The following TMEM127 variants were observed in gnomAD, a reference collection of about 807,000 sequenced individuals.
TMEM127 encodes the protein transmembrane protein 127.
TMEM127 carries 21 observed loss-of-function variants against 20.1 expected under a neutral mutation model. That is an observed-to-expected ratio of 1.04 (90% CI 0.74 to 1.50). The LOEUF (loss-of-function observed/expected upper bound fraction) is 1.50. Among genes scored for constraint, TMEM127 ranks in the 40% most tolerant of loss-of-function variants. The probability of loss-of-function intolerance (pLI) is 0.00; values close to 1 mark genes in which losing one functional copy is unlikely to be tolerated. For synonymous variants in TMEM127, 150 were observed against 144.7 expected (o/e 1.04, Z -0.26); for missense variants, 303 against 317.4 (o/e 0.95, Z 0.34).
chr2:96,255,094 G>C, intron 2 of TMEM127, 97 bp from the exon 3 acceptor site: 1 of 1,529,726 alleles, frequency 6.5e-7, no homozygotes, highest in Non-Finnish European at 8.9e-7. Flanking sequence ...CCACAGTCCT[G>C]GGAGCCAGGG....
chr2:96,262,237 TGACAGAGCAA>T (rs958590332), intron 2 of TMEM127, among the ~76,000 whole-genome samples: 1 of 147,598 alleles, frequency 6.8e-6, no homozygotes, highest in African/African-American at 2.5e-5. Flanking sequence ...CCAGCCTGGG[TGACAGAGCAA>T]GAGTCTGTCT....
rs530301020 is a variant in TMEM127, at chr2:96,253,805, G to C, written c.*3C>G. The C allele has an allele frequency of 6.2e-7, 1 of 1,608,324 alleles. No homozygotes were observed. Among genetic ancestry groups the C allele is most frequent in the South Asian group, 1.1e-5 (1 of 90,836 alleles). The stretch of plus-strand genomic sequence containing the variant: ...TGCCGAGGAAGAGAGCCCAGGGCTG[G>C]CATTAGGGTGTGTAAGCAGGGGGTG... On this transcript the variant is annotated 3_prime_UTR_variant, in exon 4 of 4. Transcript: ENST00000258439. This position sits in a 1 kb window ranked among gnomAD's most constrained non-coding sequence, Gnocchi z 4.3.
intron 2 of TMEM127, among the ~76,000 whole-genome samples, chr2:96,262,633 T>G (rs1375714480): frequency 1.3e-5 from 2 of 152,248 alleles, no homozygotes; most frequent in Non-Finnish European, 2.9e-5. Context: ...GCAAATGTAA[T>G]GTAAAGGTTA....
chr2:96,253,672 C>T lies in TMEM127; in HGVS notation c.*136G>A. The T allele has an allele frequency of 3.1e-6, 3 of 964,662 alleles. No individual in the cohort carries two copies. Among genetic ancestry groups the T allele is most frequent in the Non-Finnish European group, 4.5e-6 (3 of 660,966 alleles). 59.8% of individuals were successfully genotyped at this position (964,662 alleles called of 1,614,324 possible). A position where few individuals can be genotyped will look rare whatever the true frequency, so the allele number is the denominator to read the frequency against. ...ACTTGGATGACCCTAAAGGCAGAGT[C>T]TCTCCTGGGGAAGGTTTGGAGAAGA... On this transcript the variant is annotated 3_prime_UTR_variant, in exon 4 of 4. Coordinates refer to ENST00000258439, the MANE Select transcript of TMEM127 (RefSeq NM_017849.4). This position sits in a 1 kb window ranked among gnomAD's most constrained non-coding sequence, Gnocchi z 4.3.
chr2:96,265,590 G>A, intron 1 of TMEM127, 78 bp from the exon 2 acceptor site: 1 of 545,084 alleles, frequency 1.8e-6, no homozygotes, highest in Non-Finnish European at 2.7e-6. Context: ...GGAATTCGGG[G>A]GGCGGAGACA....
intron 1 of TMEM127, 102 bp from the exon 2 acceptor site, chr2:96,265,614 T>G: frequency 2.3e-6 from 1 of 427,476 alleles, no homozygotes; most frequent in Non-Finnish European, 3.8e-6. Context: ...GACTCCGGAA[T>G]GGGACTGCGG....
chr2:96,256,441 C>G (rs1416048962), intron 2 of TMEM127, among the ~76,000 whole-genome samples: 1 of 149,704 alleles, frequency 6.7e-6, no homozygotes, highest in Non-Finnish European at 1.5e-5. Flanking sequence ...CGTGGTGGTG[C>G]ATGCCTGTGA....
rs1207304873 is a variant in TMEM127 at position 96,249,786 on chromosome 2, A to G, written c.*4022T>C. On this transcript the variant is annotated 3_prime_UTR_variant, in exon 4 of 4. Coordinates refer to ENST00000258439, the MANE Select transcript of TMEM127 (RefSeq NM_017849.4). ...ATTAGTGTAGTGGCTGAGAGCGTGG[A>G]TATTTCAGGCAAGATGCCAGCTGAA... The G allele has an allele frequency of 8.6e-6, 2 of 233,124 alleles. No homozygotes were observed. The highest frequency in any genetic ancestry group is 8.5e-6 in the Non-Finnish European group (1 of 118,044). The allele number at this position is 233,124 out of a possible 1,614,324, so 14.4% of individuals were successfully genotyped here.
intron 2 of TMEM127, among the ~76,000 whole-genome samples, chr2:96,256,867 T>C (rs576454922): frequency 1.2e-4 from 18 of 152,032 alleles, no homozygotes; most frequent in African/African-American, 2.9e-4. Context: ...TAAAGGGAAA[T>C]AGACCTACCT....
rs759138897 is a variant in TMEM127 at position 96,254,835 on chromosome 2, G to T, written c.407C>A (p.Thr136Lys). 2 of 1,614,076 alleles carry T rather than the reference G, an allele frequency of 1.2e-6. No homozygotes were observed. Among genetic ancestry groups the T allele is most frequent in the East Asian group, 2.2e-5 (1 of 44,872 alleles). Residue 136 changes from threonine (T) to lysine (K), a missense_variant and splice_region_variant, in exon 3 of 4, where the codon ACG becomes AAG. Transcript: ENST00000258439. The part of the protein sequence containing the change: ...TRRYAFAHIL[T>K]VLQCATVIGF... The stretch of plus-strand genomic sequence containing the variant: ...CTGTGAGCAGGCTCACGGCTTACCC[G>T]TTAGGATATGGGCGAAGGCATAGCG...
At chr2:96,258,617 G>A (rs1023721366) in intron 2 of TMEM127, among the ~76,000 whole-genome samples, 1 of 152,220 alleles carries the variant, frequency 6.6e-6, no homozygotes, top group African/African-American at 2.4e-5. Flanking sequence ...CTGCCAGAAA[G>A]CCTGCCTGTG....
At chr2:96,261,298 A>G (rs1160855460) in intron 2 of TMEM127, among the ~76,000 whole-genome samples, 11 of 150,204 alleles carry the variant, frequency 7.3e-5, no homozygotes, top group Non-Finnish European at 1.5e-4. Flanking sequence ...TTTTTAAAGG[A>G]AGGGTCTCAC....
chr2:96,256,039 G>A (rs763007241), intron 2 of TMEM127, among the ~76,000 whole-genome samples: 6 of 151,158 alleles, frequency 4.0e-5, no homozygotes, highest in South Asian at 4.2e-4. Context: ...TTGGGAGGCC[G>A]AGGCGGGCAG....
At position 96,265,469 on chromosome 2, in the gene TMEM127, G is replaced by T; in HGVS notation, c.-88C>A. On this transcript the variant is annotated 5_prime_UTR_variant, in exon 2 of 4. Transcript: ENST00000258439. ...CGCAGAGCCTGACAGTCCGGTGGAGGATAGCAACGCTCCGGGTTCGCTGCA... is the reference window on the plus strand; with the variant it reads ...CGCAGAGCCTGACAGTCCGGTGGAGTATAGCAACGCTCCGGGTTCGCTGCA... The T allele has an allele frequency of 7.8e-7, 1 of 1,276,380 alleles. No homozygotes were observed. The highest frequency in any genetic ancestry group is 2.7e-5 in the South Asian group (1 of 37,166). 79.1% of individuals were successfully genotyped at this position (1,276,380 alleles called of 1,614,324 possible). A position where few individuals can be genotyped will look rare whatever the true frequency, so the allele number is the denominator to read the frequency against.
intron 2 of TMEM127, among the ~76,000 whole-genome samples, chr2:96,263,069 T>C (rs1448989032): frequency 6.6e-6 from 1 of 150,930 alleles, no homozygotes; most frequent in African/African-American, 2.4e-5. Flanking sequence ...TTTTTTGAGA[T>C]GGAGTCTTGC....
rs188564070 is a variant in TMEM127 at position 96,263,173 on chromosome 2, G to A, written c.244+1965C>T. Among the ~76,000 whole-genome samples the A allele has an allele frequency of 3.5e-3, 536 of 151,260 alleles. 4 individuals carry two copies. The highest frequency in any genetic ancestry group is 6.8e-3 in the Non-Finnish European group (462 of 67,892). ...GGGTTCAAGCGATTCGCCTGCCTCA[G>A]CCTTCAGAGTATCTGGGACTACAGG... On this transcript the variant is annotated intron_variant, in intron 2 of 3. Transcript: ENST00000258439.
chr2:96,263,637 T>C (rs535654197), intron 2 of TMEM127, among the ~76,000 whole-genome samples: 4 of 152,266 alleles, frequency 2.6e-5, no homozygotes, highest in African/African-American at 9.6e-5. Flanking sequence ...GGATAAAAAC[T>C]ATAAATGACA....
chr2:96,254,794 A>G (rs1573969971), intron 3 of TMEM127, 39 bp downstream of exon 3: 2 of 1,613,222 alleles, frequency 1.2e-6, no homozygotes, highest in Middle Eastern at 1.7e-4. Flanking sequence ...CCCACCCTGT[A>G]GCAGTTCCTC....
chr2:96,265,543 G>C, intron 1 of TMEM127, 31 bp from the exon 2 acceptor site: 1 of 960,658 alleles, frequency 1.0e-6, no homozygotes. Flanking sequence ...GGATAGGGGG[G>C]TGGGACCCGG....
Sources: gnomAD v4.1 joint callset for allele counts (sites outside exome capture counted in the v4.1 genomes callset) on GRCh38, gnomAD v4.1.1 for gene constraint, Gnocchi (gnomAD v3.1) non-coding constraint, MANE v1.5 for transcripts, NCBI Gene and HGNC (gene_info 2026-07-23, HGNC 2026-07-21) for gene names.